Variants in SYNJ2 observed in about 807,000 individuals in gnomAD.
The protein encoded by SYNJ2 is synaptojanin 2.
A neutral mutation model predicts 141.3 loss-of-function variants in SYNJ2; 116 were observed. That is an observed-to-expected ratio of 0.82 (90% confidence interval 0.71 to 0.96). The LOEUF (loss-of-function observed/expected upper bound fraction) is 0.96. Among genes scored for constraint, SYNJ2 ranks in the 40% least tolerant of loss-of-function variants. The pLI is 0.00. For missense variants in SYNJ2, 1,873 were observed against 1,934.8 expected (o/e 0.97, Z 0.60); for synonymous variants, 745 against 777.7 (o/e 0.96, Z 0.70).
At chr6:158,017,478 G>C in intron 2 of SYNJ2, 188 bp downstream of exon 2, 2 of 779,700 alleles carry the variant, frequency 2.6e-6, no homozygotes, top group Admixed American at 3.3e-5. Context: ...GCAATGGCGC[G>C]ATCTCGGCTC....
chr6:158,077,487 T>C (rs1750041), intron 17 of SYNJ2, among the ~76,000 whole-genome samples: 128,018 of 151,824 alleles, frequency 0.84, 54,762 homozygotes, highest in African/African-American at 0.93. Context: ...CAGCTACACT[T>C]TTACCTGCTT....
In SYNJ2 at chr6:158,096,160, G is replaced by T. The variant is rs1171159391; in HGVS notation, c.4287G>T (p.Trp1429Cys). 2 of 1,614,224 alleles carry T rather than the reference G, an allele frequency of 1.2e-6. No homozygotes were observed. The highest frequency in any genetic ancestry group is 1.3e-5 in the African/African-American group (1 of 75,046). ...ACCCTAAACTGTTGAATAACACTTG[G>T]CTTTCTAAGAGCTCAGACCCTTTGG... The part of the protein sequence containing the change: ...LHHPKLLNNT[W>C]LSKSSDPLDS... The change falls in exon 27 of 27, where the codon TGG (tryptophan) becomes TGT (cysteine). Residue 1429 changes from tryptophan to cysteine, a missense_variant. By Grantham distance (215) the Trp-to-Cys change is radical (BLOSUM62 -2). Transcript: ENST00000355585.
intron 18 of SYNJ2, chr6:158,078,608 T>C: frequency 4.7e-6 from 1 of 214,866 alleles, no homozygotes. Flanking sequence ...TTGTTACTAT[T>C]TTTGAGATAC....
chr6:158,067,323 C>A, intron 12 of SYNJ2: 1 of 674,270 alleles, frequency 1.5e-6, no homozygotes, highest in Non-Finnish European at 1.8e-6. Flanking sequence ...CTGGCCCTGC[C>A]TTCAGTGTTG....
intron 22 of SYNJ2, among the ~76,000 whole-genome samples, chr6:158,086,643 T>G (rs1483510053): frequency 2.0e-5 from 3 of 152,312 alleles, no homozygotes; most frequent in Non-Finnish European, 4.4e-5. Context: ...ATACCCATTA[T>G]CCATGGTTCA....
intron 1 of SYNJ2, among the ~76,000 whole-genome samples, chr6:157,983,582 G>A (rs1777089787): frequency 6.6e-6 from 1 of 152,166 alleles, no homozygotes; most frequent in African/African-American, 2.4e-5. Flanking sequence ...CTTTGAAGCA[G>A]CTTAGAAAAA....
In SYNJ2 at chr6:158,027,568, TC is replaced by T. The variant is rs1779117798; in HGVS notation, c.215-1187del. 1 of 152,046 alleles carries T rather than the reference TC, an allele frequency of 6.6e-6. No homozygotes were observed. Among genetic ancestry groups the T allele is most frequent in the South Asian group, 2.1e-4 (1 of 4,822 alleles). The allele number at this position is 152,046 out of a possible 1,614,324, so 9.4% of individuals were successfully genotyped here. A position where few individuals can be genotyped will look rare whatever the true frequency, so the allele number is the denominator to read the frequency against. ...ATTCGCCTGGCTGCAGGGTCCGAGG[TC>T]GTCTTGGTAGCATTTGGCAGGAATT... On this transcript the variant is annotated intron_variant, in intron 2 of 26. Coordinates refer to ENST00000355585, the MANE Select transcript of SYNJ2 (RefSeq NM_003898.4). The surrounding 1 kb of genome is among the most constrained non-coding windows in gnomAD (Gnocchi z 4.6).
intron 1 of SYNJ2, among the ~76,000 whole-genome samples, chr6:158,008,699 C>G (rs1277088612): frequency 2.0e-5 from 3 of 152,190 alleles, no homozygotes; most frequent in Non-Finnish European, 4.4e-5. Context: ...GTATGTGTGT[C>G]TGTCTGTCTG....
At chr6:157,993,270 T>G (rs1283094531) in intron 1 of SYNJ2, among the ~76,000 whole-genome samples, 1 of 152,224 alleles carries the variant, frequency 6.6e-6, no homozygotes, top group African/African-American at 2.4e-5. Flanking sequence ...ATTTGCCTTT[T>G]TCTGACGATC....
At chr6:158,062,762 A>G (rs1171050706) in intron 8 of SYNJ2, among the ~76,000 whole-genome samples, 1 of 152,186 alleles carries the variant, frequency 6.6e-6, no homozygotes, top group Non-Finnish European at 1.5e-5. Context: ...TGCTGGACAG[A>G]GTATTTAAAT....
At chr6:158,067,396 G>A (rs1460846544) in intron 12 of SYNJ2, 4 of 976,710 alleles carry the variant, frequency 4.1e-6, no homozygotes, top group Non-Finnish European at 4.9e-6. Context: ...TCTGCTTTAA[G>A]TAGTCACAAA....
In SYNJ2 at chr6:158,076,837, G is replaced by A. The variant is rs1403101472; in HGVS notation, c.2449+55G>A. The A allele has an allele frequency of 2.2e-5, 34 of 1,549,742 alleles. No individual in the cohort carries two copies. The East Asian group carries it at 2.3e-4, about 10-fold the overall frequency. On this transcript the variant is annotated intron_variant, in intron 17 of 26. Transcript: ENST00000355585. ...GCAGAGGGTGAATAAGAAATGCGAC[G>A]GAGGGAGAGTCACGTTTACCCAACC...
chr6:158,013,210 G>A (rs770171403), intron 1 of SYNJ2, among the ~76,000 whole-genome samples: 2 of 152,176 alleles, frequency 1.3e-5, no homozygotes, highest in Middle Eastern at 3.4e-3. Flanking sequence ...GCGAAATGCC[G>A]TCCCTACTAA....
chr6:157,990,388 A>G (rs1447534519), intron 1 of SYNJ2, among the ~76,000 whole-genome samples: 1 of 151,988 alleles, frequency 6.6e-6, no homozygotes, highest in Non-Finnish European at 1.5e-5. Context: ...ATGGAGTTGT[A>G]TGTTTCTAGT....
At chr6:158,051,768 G>A (rs747898274) in intron 5 of SYNJ2, among the ~76,000 whole-genome samples, 7 of 144,096 alleles carry the variant, frequency 4.9e-5, no homozygotes, top group Non-Finnish European at 7.5e-5. Context: ...GCAGCATGGC[G>A]AAACCCCATC....
chr6:158,069,492 CCAGCTACCTGTAAA>C (rs1374859387), intron 13 of SYNJ2, 27 bp from the exon 14 acceptor site: 1 of 1,589,178 alleles, frequency 6.3e-7, no homozygotes, highest in South Asian at 1.1e-5. Flanking sequence ...AGATGTACTT[CCAGCTACCTGTAAA>C]CAGCATCCTT....
intron 25 of SYNJ2, among the ~76,000 whole-genome samples, chr6:158,091,110 A>G (rs350297): frequency 0.68 from 102,404 of 150,838 alleles, 36,031 homozygotes; most frequent in African/African-American, 0.89. Context: ...GAGGACAGGA[A>G]ATCGAGACCA....
At chr6:158,052,941 C>A (rs370354481) in intron 5 of SYNJ2, among the ~76,000 whole-genome samples, 1 of 152,208 alleles carries the variant, frequency 6.6e-6, no homozygotes, top group East Asian at 1.9e-4. Context: ...CACCTTTTCC[C>A]GCCTTGAGTC....
chr6:158,068,717 T>G lies in SYNJ2; in HGVS notation c.1788T>G (p.Ile596Met). The G allele has an allele frequency of 6.2e-7, 1 of 1,614,100 alleles. No homozygotes were observed. The highest frequency in any genetic ancestry group is 8.5e-7 in the Non-Finnish European group (1 of 1,180,038). ...TGGTGGAATTGAGCGCAGGGAATAT[T>G]GTCAATGCCAGGTAAGGGGCCAGGT... ...EEMVELSAGN[I>M]VNASTTNKKM... The change falls in exon 13 of 27, where the codon ATT becomes ATG. Residue 596 changes from isoleucine to methionine, a missense_variant. By Grantham distance (10) the Ile-to-Met change is conservative. Coordinates refer to ENST00000355585, the MANE Select transcript of SYNJ2 (RefSeq NM_003898.4).
Sources: gnomAD v4.1 joint callset for allele counts (sites outside exome capture counted in the v4.1 genomes callset) on GRCh38, gnomAD v4.1.1 for gene constraint, Gnocchi (gnomAD v3.1) non-coding constraint, MANE v1.5 for transcripts, NCBI Gene and HGNC (gene_info 2026-07-23, HGNC 2026-07-21) for gene names.